The following OR1C1 variants were observed in gnomAD, a reference collection of about 807,000 sequenced individuals.
The protein encoded by OR1C1 is olfactory receptor family 1 subfamily C member 1.
For synonymous variants in OR1C1, 153 were observed against 154.6 expected (o/e 0.99, Z 0.08); for missense variants, 407 against 384.3 (o/e 1.06, Z -0.49).
rs1337637470 is a variant in OR1C1, at chr1:247,755,913, T to G, written c.*1549A>C. The G allele has an allele frequency of 2.0e-5, 3 of 152,190 alleles. No individual in the cohort carries two copies. Among genetic ancestry groups the G allele is most frequent in the African/African-American group, 2.4e-5 (1 of 41,448 alleles). The allele number at this position is 152,190 out of a possible 1,614,324, so 9.4% of individuals were successfully genotyped here. ...CTGGGGGATATTTGAAAGCCTAACA[T>G]GGATGGTCTCTAAACCCTAGCAGTG... On this transcript the variant is annotated 3_prime_UTR_variant, in exon 2 of 2. Coordinates refer to ENST00000641256, the MANE Select transcript of OR1C1 (RefSeq NM_012353.3).
Position 247,758,030 on chromosome 1 carries a change from A to G in OR1C1, c.377T>C (p.Ile126Thr). 1.2e-6 allele frequency: 2 copies of G among 1,614,098 alleles called. No individual in the cohort carries two copies. Among genetic ancestry groups the G allele is most frequent in the Non-Finnish European group, 1.7e-6 (2 of 1,180,014 alleles). ...GGCGGTGTAATGTAAGGGGTGGCAA[A>G]TCGCCACATATCTATCATACGCCAT... is the stretch of plus-strand genomic sequence containing the variant. ...CVMAYDRYVA[I>T]CHPLHYTARM... is the part of the protein sequence containing the mutation. Residue 126 changes from isoleucine (I) to threonine (T), a missense_variant, in exon 2 of 2, where the codon ATT becomes ACT. Transcript: ENST00000641256.
At position 247,758,135 on chromosome 1, in the gene OR1C1, G is replaced by T. The variant is rs1661259103; in HGVS notation, c.272C>A (p.Thr91Asn). 1 of 1,613,984 alleles carries T rather than the reference G, an allele frequency of 6.2e-7. No individual in the cohort carries two copies. The highest frequency in any genetic ancestry group is 1.3e-5 in the African/African-American group (1 of 74,920). ...MVVNILTGTK[T>N]ISFAGCLTQL... ...GGTGAGGCAGCCTGCAAAAGAGATA[G>T]TCTTGGTGCCAGTCAAGATATTCAC... Residue 91 changes from threonine to asparagine, a missense_variant, in exon 2 of 2, where the codon ACT becomes AAT. Thr to Asn is a moderately conservative substitution (Grantham distance 65). Transcript: ENST00000641256.
rs1285871723 is a variant in OR1C1 at position 247,758,242 on chromosome 1, G to C, written c.165C>G (p.Leu55=). The C allele has an allele frequency of 6.2e-7, 1 of 1,614,058 alleles. No homozygotes were observed. The highest frequency in any genetic ancestry group is 1.3e-5 in the African/African-American group (1 of 75,044). The change falls in exon 2 of 2, where the codon CTC becomes CTG. Residue 55 remains leucine, a synonymous_variant. Transcript: ENST00000641256. ...TAAGGAAGAAGTACATAGGGGAATG[G>C]AGGTGAGAGTCAAAGCCAATCGTCG... The part of the protein sequence containing the change: ...IIATIGFDSH[L]HSPMYFFLSN...
Position 247,757,914 on chromosome 1 carries a change from G to A in OR1C1, c.493C>T (p.Gln165Ter). 2 of 1,614,068 alleles carry A rather than the reference G, an allele frequency of 1.2e-6. No individual in the cohort carries two copies. Among genetic ancestry groups the A allele is most frequent in the South Asian group, 1.1e-5 (1 of 91,072 alleles). Residue 165 changes from glutamine (Q) to a stop codon, truncating the protein, a stop_gained, in exon 2 of 2, where the codon CAG (glutamine) becomes TAG (stop). Coordinates refer to ENST00000641256, the MANE Select transcript of OR1C1 (RefSeq NM_012353.3). LOFTEE classifies it low-confidence loss of function (END_TRUNC). Reference protein sequence around the residue: ...HALLHTVLIAQLSFCASNIIH... With the variant: ...HALLHTVLIA The stretch of plus-strand genomic sequence containing the variant: ...ATATTGGAGGCACAGAAGGACAGCT[G>A]TGCTATTAGGACAGTATGCAGGAGG...
Position 247,755,686 on chromosome 1 carries a change from G to T in OR1C1, c.*1776C>A, listed in dbSNP as rs1661198356. 2.0e-5 allele frequency: 3 copies of T among 152,088 alleles called. No homozygotes were observed. Among genetic ancestry groups the T allele is most frequent in the African/African-American group, 4.8e-5 (2 of 41,408 alleles). 9.4% of individuals were successfully genotyped at this position (152,088 alleles called of 1,614,324 possible). A position where few individuals can be genotyped will look rare whatever the true frequency, so the allele number is the denominator to read the frequency against. On this transcript the variant is annotated 3_prime_UTR_variant, in exon 2 of 2. Coordinates refer to ENST00000641256, the MANE Select transcript of OR1C1 (RefSeq NM_012353.3). ...GTTTGATGAGGGTATGGAGGAAAAAGAATCTTTCTTCACTATCGGTGGGAA... is the reference window on the plus strand; with the variant it reads ...GTTTGATGAGGGTATGGAGGAAAAATAATCTTTCTTCACTATCGGTGGGAA...
In OR1C1 at chr1:247,758,051, G is replaced by A. The variant is rs1300564615; in HGVS notation, c.356C>T (p.Ala119Val). 6.2e-7 allele frequency: 1 copy of A among 1,614,056 alleles called. No homozygotes were observed. The highest frequency in any genetic ancestry group is 1.7e-5 in the Admixed American group (1 of 59,996). ...NMDSLLLCVM[A>V]YDRYVAICHP... The stretch of plus-strand genomic sequence containing the variant: ...GCAAATCGCCACATATCTATCATAC[G>A]CCATCACACACAGAAGGAGGCTGTC... Residue 119 changes from alanine to valine, a missense_variant, in exon 2 of 2, where the codon GCG becomes GTG. By Grantham distance (64) the Ala-to-Val change is moderately conservative (BLOSUM62 0). Coordinates refer to ENST00000641256, the MANE Select transcript of OR1C1 (RefSeq NM_012353.3).
Position 247,757,890 on chromosome 1 carries a change from T to C in OR1C1, c.517A>G (p.Ile173Val). 1 of 1,613,800 alleles carries C rather than the reference T, an allele frequency of 6.2e-7. No homozygotes were observed. The change falls in exon 2 of 2, where the codon ATC becomes GTC. Residue 173 changes from isoleucine (I) to valine (V), a missense_variant. Physicochemically the swap from Ile to Val is conservative, Grantham distance 29 (BLOSUM62 3). Coordinates refer to ENST00000641256, the MANE Select transcript of OR1C1 (RefSeq NM_012353.3). ...AGATCACAGAAGAAATGATGGATGA[T>C]ATTGGAGGCACAGAAGGACAGCTGT... ...IAQLSFCASN[I>V]IHHFFCDLNP...
At chr1:247,760,219 T>C (rs1230908277) in intron 1 of OR1C1, among the ~76,000 whole-genome samples, 193 bp downstream of exon 1, 1 of 152,204 alleles carries the variant, frequency 6.6e-6, no homozygotes, top group Non-Finnish European at 1.5e-5. Context: ...GCAAGATATC[T>C]TTTAATTCTA....
In OR1C1 at chr1:247,754,960, C is replaced by A. The variant is rs1363115192; in HGVS notation, c.*2502G>T. ...AAATGCAATAAAAAGATACAGTAAT[C>A]AAAAATGGCATGGTACTGGCATAAA... On this transcript the variant is annotated 3_prime_UTR_variant, in exon 2 of 2. Transcript: ENST00000641256. The A allele has an allele frequency of 1.3e-5, 2 of 151,934 alleles. No homozygotes were observed. Among genetic ancestry groups the A allele is most frequent in the South Asian group, 2.1e-4 (1 of 4,824 alleles). 9.4% of individuals were successfully genotyped at this position (151,934 alleles called of 1,614,324 possible). A position where few individuals can be genotyped will look rare whatever the true frequency, so the allele number is the denominator to read the frequency against.
At position 247,757,342 on chromosome 1, in the gene OR1C1, A is replaced by C; in HGVS notation, c.*120T>G. ...TAATTCATATAAAGTGCTTAACACG[A>C]TTTCCAGCATAAGGGAGACATTTAA... is the stretch of plus-strand genomic sequence containing the variant. On this transcript the variant is annotated 3_prime_UTR_variant, in exon 2 of 2. Transcript: ENST00000641256. 1.4e-6 allele frequency: 1 copy of C among 730,740 alleles called. No homozygotes were observed. The highest frequency in any genetic ancestry group is 2.3e-6 in the Non-Finnish European group (1 of 436,040). The allele number at this position is 730,740 out of a possible 1,614,324, so 45.3% of individuals were successfully genotyped here.
rs751975464 is a variant in OR1C1, at chr1:247,758,438, A to C, written c.-13-19T>G. The C allele has an allele frequency of 5.2e-6, 7 of 1,333,600 alleles. No homozygotes were observed. The highest frequency in any genetic ancestry group is 2.1e-6 in the Non-Finnish European group (2 of 948,836). 82.6% of individuals were successfully genotyped at this position (1,333,600 alleles called of 1,614,324 possible). A position where few individuals can be genotyped will look rare whatever the true frequency, so the allele number is the denominator to read the frequency against. ...AACAAATCTAGAAAAATAAGTTATT[A>C]AATTGTAAAAGCCAGCAGTGTTAAG... On this transcript the variant is annotated intron_variant, in intron 1 of 1. Coordinates refer to ENST00000641256, the MANE Select transcript of OR1C1 (RefSeq NM_012353.3).
rs2103232998 is a variant in OR1C1 at position 247,757,042 on chromosome 1, T to C, written c.*420A>G. 1 of 158,334 alleles carries C rather than the reference T, an allele frequency of 6.3e-6. No homozygotes were observed. Among genetic ancestry groups the C allele is most frequent in the East Asian group, 1.9e-4 (1 of 5,366 alleles). The allele number at this position is 158,334 out of a possible 1,614,324, so 9.8% of individuals were successfully genotyped here. On this transcript the variant is annotated 3_prime_UTR_variant, in exon 2 of 2. Coordinates refer to ENST00000641256, the MANE Select transcript of OR1C1 (RefSeq NM_012353.3). ...TTAAGAAGACTCACTATTTAAAATGTGTTCTACCACATTGTCGAATTAACA... is the reference window on the plus strand; with the variant it reads ...TTAAGAAGACTCACTATTTAAAATGCGTTCTACCACATTGTCGAATTAACA...
Position 247,758,428 on chromosome 1 carries a change from A to G in OR1C1, c.-13-9T>C, listed in dbSNP as rs1421322752. On this transcript the variant is annotated splice_polypyrimidine_tract_variant and intron_variant, in intron 1 of 1. Coordinates refer to ENST00000641256, the MANE Select transcript of OR1C1 (RefSeq NM_012353.3). ...CCATATTCCCAACAAATCTAGAAAAATAAGTTATTAAATTGTAAAAGCCAG... is the reference window on the plus strand; with the variant it reads ...CCATATTCCCAACAAATCTAGAAAAGTAAGTTATTAAATTGTAAAAGCCAG... 1.4e-6 allele frequency: 2 copies of G among 1,425,690 alleles called. No homozygotes were observed. The highest frequency in any genetic ancestry group is 2.0e-6 in the Non-Finnish European group (2 of 1,023,546). The allele number at this position is 1,425,690 out of a possible 1,614,324, so 88.3% of individuals were successfully genotyped here.
In OR1C1 at chr1:247,760,408, A is replaced by G. The variant is rs1432847791; in HGVS notation, c.-14+4T>C. ...AACAAAGAAAAAAATGTATGAATAC[A>G]TACCCTTTTCTGAGACCTTTGCCAC... On this transcript the variant is annotated splice_donor_region_variant and intron_variant, in intron 1 of 1. Coordinates refer to ENST00000641256, the MANE Select transcript of OR1C1 (RefSeq NM_012353.3). The G allele has an allele frequency of 2.0e-5, 3 of 152,168 alleles. No homozygotes were observed. The highest frequency in any genetic ancestry group is 3.8e-4 in the East Asian group (2 of 5,198). The allele number at this position is 152,168 out of a possible 1,614,324, so 9.4% of individuals were successfully genotyped here.
In OR1C1 at chr1:247,755,439, G is replaced by A. The variant is rs1212287170; in HGVS notation, c.*2023C>T. On this transcript the variant is annotated 3_prime_UTR_variant, in exon 2 of 2. Transcript: ENST00000641256. ...AGGAGTTAATATTCAAAGTATATAA[G>A]GAGTTCAAATAACTCAGTAGCAAAA... The A allele has an allele frequency of 6.6e-6, 1 of 151,994 alleles. No individual in the cohort carries two copies. The highest frequency in any genetic ancestry group is 6.6e-5 in the Admixed American group (1 of 15,238). 9.4% of individuals were successfully genotyped at this position (151,994 alleles called of 1,614,324 possible). A position where few individuals can be genotyped will look rare whatever the true frequency, so the allele number is the denominator to read the frequency against.
Position 247,755,967 on chromosome 1 carries a change from A to G in OR1C1, c.*1495T>C, listed in dbSNP as rs1207605348. On this transcript the variant is annotated 3_prime_UTR_variant, in exon 2 of 2. Coordinates refer to ENST00000641256, the MANE Select transcript of OR1C1 (RefSeq NM_012353.3). ...TGCACCGAAACTTCTAAGCTTAAACAGTTTTCTACACCTACACTCTAGTGA... is the reference window on the plus strand; with the variant it reads ...TGCACCGAAACTTCTAAGCTTAAACGGTTTTCTACACCTACACTCTAGTGA... The G allele has an allele frequency of 1.3e-5, 2 of 152,158 alleles. No individual in the cohort carries two copies. Among genetic ancestry groups the G allele is most frequent in the Non-Finnish European group, 2.9e-5 (2 of 68,024 alleles). The allele number at this position is 152,158 out of a possible 1,614,324, so 9.4% of individuals were successfully genotyped here.
In OR1C1 at chr1:247,757,609, A is replaced by T; in HGVS notation, c.798T>A (p.His266Gln). ...TTGACAGAGTGTCGCTCTCAGGCAT[A>T]TGGGGGGATGAAGGGCTGAAATAGA... ...IAVYFSPSSPHMPESDTLSTI... is the reference protein window; with the variant it reads ...IAVYFSPSSPQMPESDTLSTI... Residue 266 changes from histidine to glutamine, a missense_variant, in exon 2 of 2, where the codon CAT becomes CAA. His to Gln is a conservative substitution (Grantham distance 24). Coordinates refer to ENST00000641256, the MANE Select transcript of OR1C1 (RefSeq NM_012353.3). 1.2e-6 allele frequency: 2 copies of T among 1,614,072 alleles called. No individual in the cohort carries two copies. The highest frequency in any genetic ancestry group is 8.5e-7 in the Non-Finnish European group (1 of 1,180,002).
chr1:247,758,516 G>GTGTGCA, intron 1 of OR1C1, 97 bp from the exon 2 acceptor site: 1 of 670,386 alleles, frequency 1.5e-6, no homozygotes, highest in Non-Finnish European at 2.6e-6. Context: ...GTGTGTGTGT[G>GTGTGCA]TGCATGCGTG....
rs976449431 is a variant in OR1C1 at position 247,757,297 on chromosome 1, A to T, written c.*165T>A. 5.4e-5 allele frequency: 32 copies of T among 596,040 alleles called. No individual in the cohort carries two copies. The highest frequency in any genetic ancestry group is 4.5e-5 in the Non-Finnish European group (15 of 336,900). 36.9% of individuals were successfully genotyped at this position (596,040 alleles called of 1,614,324 possible). On this transcript the variant is annotated 3_prime_UTR_variant, in exon 2 of 2. Coordinates refer to ENST00000641256, the MANE Select transcript of OR1C1 (RefSeq NM_012353.3). ...AATGCTATATGGTTTTTATATATTT[A>T]CTCAGAGGATTTAATGTGATAATTC... is the stretch of plus-strand genomic sequence containing the variant.
Sources: allele counts gnomAD v4.1 joint callset (sites outside exome capture counted in the v4.1 genomes callset), GRCh38; gene constraint gnomAD v4.1.1; transcripts MANE v1.5; gene names NCBI Gene and HGNC (gene_info 2026-07-23, HGNC 2026-07-21).